Variants in KCTD3 observed in about 807,000 individuals in gnomAD.
KCTD3 encodes potassium channel tetramerization domain containing 3, also known as BTB/POZ domain-containing protein KCTD3.
KCTD3 carries 41 observed loss-of-function variants against 85.8 expected under a neutral mutation model. The observed-to-expected ratio is 0.48, with a 90% CI of 0.37 to 0.62. The LOEUF is 0.62. Ranked by LOEUF, KCTD3 falls within the 20% of genes least tolerant of loss-of-function variation. KCTD3 has a pLI of 0.00. For synonymous variants in KCTD3, 338 were observed against 345.4 expected, an observed-to-expected ratio of 0.98 and a Z score of 0.24; for missense variants, 724 against 989.9, an observed-to-expected ratio of 0.73 and a Z score of 3.60.
chr1:215,596,313 A>G (rs985074490), intron 10 of KCTD3, among the ~76,000 whole-genome samples: 1 of 152,142 alleles, frequency 6.6e-6, no homozygotes, highest in African/African-American at 2.4e-5. Context: ...TGAGATCCCT[A>G]TGGTTGTTCA....
Position 215,620,542 on chromosome 1 carries a change from C to G in KCTD3, c.2372C>G (p.Ser791Cys), listed in dbSNP as rs556906311. 6.2e-7 allele frequency: 1 copy of G among 1,613,738 alleles called. No homozygotes were observed. Among genetic ancestry groups the G allele is most frequent in the Admixed American group, 1.7e-5 (1 of 59,980 alleles). ...DGGTDSPGTA[S>C]PSPTKTTPSP... is the part of the protein sequence containing the mutation. The stretch of plus-strand genomic sequence containing the variant: ...GGAACTGACTCACCTGGTACTGCGT[C>G]CCCATCTCCTACAAAGACTACTCCA... Residue 791 changes from serine to cysteine, a missense_variant, in exon 18 of 18, where the codon TCC becomes TGC. Transcript: ENST00000259154.
intron 10 of KCTD3, among the ~76,000 whole-genome samples, chr1:215,596,842 G>C (rs1366314504): frequency 2.0e-5 from 3 of 152,074 alleles, no homozygotes; most frequent in Non-Finnish European, 4.4e-5. Context: ...GTTGCCAGAA[G>C]GACCTGAAGA....
chr1:215,604,717 T>A (rs1365259987), intron 13 of KCTD3, among the ~76,000 whole-genome samples: 5 of 151,592 alleles, frequency 3.3e-5, no homozygotes, highest in African/African-American at 7.3e-5. Context: ...ATTATGACCC[T>A]GCTAAGAGGA....
chr1:215,581,155 A>G (rs1351450304), intron 8 of KCTD3: 4 of 264,202 alleles, frequency 1.5e-5, no homozygotes, highest in African/African-American at 7.0e-5. Flanking sequence ...CTGAGGCAGG[A>G]GAATCACTTG....
intron 9 of KCTD3, among the ~76,000 whole-genome samples, chr1:215,593,070 T>C (rs947483961): frequency 2.0e-5 from 3 of 152,206 alleles, no homozygotes; most frequent in African/African-American, 7.2e-5. Context: ...CCCATAATAC[T>C]GAATATAGTT....
At chr1:215,596,438 T>C (rs1265351945) in intron 10 of KCTD3, among the ~76,000 whole-genome samples, 1 of 152,124 alleles carries the variant, frequency 6.6e-6, no homozygotes, top group Non-Finnish European at 1.5e-5. Flanking sequence ...AATAAGATTT[T>C]CCATTGAGTG....
At chr1:215,619,338 G>C in intron 17 of KCTD3, 47 bp downstream of exon 17, 1 of 1,478,680 alleles carries the variant, frequency 6.8e-7, no homozygotes. Context: ...TTTCTTTTGG[G>C]GAAATTGACT....
intron 9 of KCTD3, among the ~76,000 whole-genome samples, chr1:215,589,133 C>CT (rs2102573700): frequency 6.6e-6 from 1 of 151,920 alleles, no homozygotes; most frequent in African/African-American, 2.4e-5. Flanking sequence ...TCTTTTTCTT[C>CT]TTTTCTTTCC....
At position 215,574,069 on chromosome 1, in the gene KCTD3, C is replaced by T. The variant is rs1418626155; in HGVS notation, c.138-4C>T. On this transcript the variant is annotated splice_region_variant and splice_polypyrimidine_tract_variant and intron_variant, in intron 2 of 17. Transcript: ENST00000259154. ...ACTAACTTTAGATTATTAATGACTTCCAGTTTGCTGAGTGGGAGAATTTCA... is the reference window on the plus strand; with the variant it reads ...ACTAACTTTAGATTATTAATGACTTTCAGTTTGCTGAGTGGGAGAATTTCA... The T allele has an allele frequency of 3.2e-6, 5 of 1,583,042 alleles. No homozygotes were observed.
chr1:215,575,666 T>C (rs1282284737), intron 3 of KCTD3, among the ~76,000 whole-genome samples: 1 of 152,182 alleles, frequency 6.6e-6, no homozygotes, highest in Non-Finnish European at 1.5e-5. Context: ...TATTAAAATA[T>C]CAGTTTAATA....
In KCTD3 at chr1:215,567,646, T is replaced by C; in HGVS notation, c.-40T>C. 1 of 1,161,858 alleles carries C rather than the reference T, an allele frequency of 8.6e-7. No individual in the cohort carries two copies. The highest frequency in any genetic ancestry group is 1.1e-6 in the Non-Finnish European group (1 of 937,024). 72.0% of individuals were successfully genotyped at this position (1,161,858 alleles called of 1,614,324 possible). A position where few individuals can be genotyped will look rare whatever the true frequency, so the allele number is the denominator to read the frequency against. On this transcript the variant is annotated 5_prime_UTR_variant, in exon 1 of 18. Transcript: ENST00000259154. The stretch of plus-strand genomic sequence containing the variant: ...CAGCCCCGGGCTCGGCGGTCCCGGC[T>C]GGGGAAGGAGGGCGGCGAGCGCGTC...
At chr1:215,569,707 T>G (rs1054947131) in intron 1 of KCTD3, among the ~76,000 whole-genome samples, 3 of 151,756 alleles carry the variant, frequency 2.0e-5, no homozygotes, top group African/African-American at 7.3e-5. Flanking sequence ...GCCATTCTCC[T>G]GTCTCAGCCT....
At chr1:215,575,107 C>G (rs11805855) in intron 3 of KCTD3, among the ~76,000 whole-genome samples, 30 of 152,156 alleles carry the variant, frequency 2.0e-4, no homozygotes, top group African/African-American at 5.3e-4. Context: ...GAAAAATTAA[C>G]CCGGCATAGT....
chr1:215,620,510 C>T lies in KCTD3; in HGVS notation c.2340C>T (p.Ser780=), dbSNP rs140685751. The T allele has an allele frequency of 5.2e-4, 833 of 1,613,418 alleles. 4 individuals carry two copies. The highest frequency in any genetic ancestry group is 4.1e-3 in the Middle Eastern group (25 of 6,060). ...ATCTGGCGTCATCACCAAGTACTTC[C>T]GATGGAGGAACTGACTCACCTGGTA... The part of the protein sequence containing the change: ...VPYLASSPST[S]DGGTDSPGTA... The change falls in exon 18 of 18, where the codon TCC becomes TCT. Residue 780 remains serine (S), a synonymous_variant. Transcript: ENST00000259154.
Position 215,575,898 on chromosome 1 carries a change from C to T in KCTD3, c.184-3C>T. On this transcript the variant is annotated splice_region_variant and splice_polypyrimidine_tract_variant and intron_variant, in intron 3 of 17. Transcript: ENST00000259154. ...GAAAATAAAACTGTTCTCTTTTTTA[C>T]AGATATTTATTGATAGAGATCCAGC... 1 of 1,497,518 alleles carries T rather than the reference C, an allele frequency of 6.7e-7. No homozygotes were observed. The highest frequency in any genetic ancestry group is 2.1e-5 in the Admixed American group (1 of 47,648). 92.8% of individuals were successfully genotyped at this position (1,497,518 alleles called of 1,614,324 possible).
At chr1:215,568,956 C>T (rs1367891794) in intron 1 of KCTD3, among the ~76,000 whole-genome samples, 1 of 151,916 alleles carries the variant, frequency 6.6e-6, no homozygotes, top group Non-Finnish European at 1.5e-5. Context: ...GGAGTTTTTC[C>T]TAAAATCACG....
In KCTD3 at chr1:215,608,090, T is replaced by C. The variant is rs534981246; in HGVS notation, c.1383T>C (p.Gly461=). The part of the protein sequence containing the change: ...RFRGMISTQP[G]STPLASFKIL... ...GAGGAATGATCTCTACTCAGCCAGG[T>C]TCTACTCCTTTAGCGTCATTCAAGA... Residue 461 remains glycine, a synonymous_variant, in exon 14 of 18, where the codon GGT becomes GGC. Coordinates refer to ENST00000259154, the MANE Select transcript of KCTD3 (RefSeq NM_016121.5). 2.5e-6 allele frequency: 4 copies of C among 1,612,050 alleles called. No individual in the cohort carries two copies. The East Asian group carries it at 8.9e-5, about 36-fold the overall frequency.
chr1:215,611,969 C>A, intron 15 of KCTD3, 48 bp downstream of exon 15: 1 of 1,230,612 alleles, frequency 8.1e-7, no homozygotes, highest in South Asian at 1.2e-5. Context: ...CACCTTTTGT[C>A]TTACAAAACA....
Position 215,573,806 on chromosome 1 carries a change from C to T in KCTD3, c.104C>T (p.Thr35Ile), listed in dbSNP as rs767036571. The T allele has an allele frequency of 6.3e-7, 1 of 1,576,326 alleles. No homozygotes were observed. The highest frequency in any genetic ancestry group is 1.1e-5 in the South Asian group (1 of 87,584). Reference protein sequence around the residue: ...GGTRFSTSRQTLMWIPDSFFS... With the variant: ...GGTRFSTSRQILMWIPDSFFS... ...TGCAGATTTAGTACCTCAAGACAAACTCTTATGTGGATTCCAGATTCTTTT... is the reference window on the plus strand; with the variant it reads ...TGCAGATTTAGTACCTCAAGACAAATTCTTATGTGGATTCCAGATTCTTTT... Residue 35 changes from threonine to isoleucine, a missense_variant, in exon 2 of 18, where the codon ACT (threonine) becomes ATT (isoleucine). Coordinates refer to ENST00000259154, the MANE Select transcript of KCTD3 (RefSeq NM_016121.5).
Sources: gnomAD v4.1 joint callset for allele counts (sites outside exome capture counted in the v4.1 genomes callset) on GRCh38, gnomAD v4.1.1 for gene constraint, MANE v1.5 for transcripts, NCBI Gene and HGNC (gene_info 2026-07-23, HGNC 2026-07-21) for gene names.